The following LBR variants were observed in gnomAD, a reference collection of about 807,000 sequenced individuals.
The protein encoded by LBR is delta(14)-sterol reductase LBR.
In LBR, 28 loss-of-function variants were observed where a neutral mutation model predicts 74.3. The ratio of observed to expected loss-of-function variants is 0.38; its 90% confidence interval spans 0.28 to 0.52. The LOEUF (loss-of-function observed/expected upper bound fraction) is 0.52. Ranked by LOEUF, LBR falls within the 20% of genes least tolerant of loss-of-function variation. LBR has a pLI of 0.89. For missense variants in LBR, 717 were observed against 760.3 expected (o/e 0.94, Z 0.67); for synonymous variants, 228 against 269.3 (o/e 0.85, Z 1.50).
intron 10 of LBR, 48 bp downstream of exon 10, chr1:225,410,243 C>A (rs1464075588): frequency 6.2e-7 from 1 of 1,611,388 alleles, no homozygotes; most frequent in Non-Finnish European, 8.5e-7. Context: ...GTCACTCACC[C>A]ACTCAAAGCC....
chr1:225,403,853 TC>T (rs1397464016), intron 13 of LBR, among the ~76,000 whole-genome samples: 4 of 127,788 alleles, frequency 3.1e-5, no homozygotes, highest in African/African-American at 1.2e-4. Flanking sequence ...CTCCCCTGGA[TC>T]CCCCTGCTCC....
At position 225,419,304 on chromosome 1, in the gene LBR, GT is replaced by G; in HGVS notation, c.598del (p.Thr200ProfsTer32). 6.2e-7 allele frequency: 1 copy of G among 1,614,184 alleles called. No individual in the cohort carries two copies. Among genetic ancestry groups the G allele is most frequent in the Non-Finnish European group, 8.5e-7 (1 of 1,180,026 alleles). Reference sequence around the variant, plus strand: ...CTCCAAGTCCTTTGCCCGGATGGGGGTCACTTCAAAGGTTCTCACTGCCAGT... The same window carrying G: ...CTCCAAGTCCTTTGCCCGGATGGGGGCACTTCAAAGGTTCTCACTGCCAGT... ...KELAVRTFEV[T>X]PIRAKDLEFG... On this transcript the variant is annotated frameshift_variant, in exon 5 of 14. Coordinates refer to ENST00000272163, the MANE Select transcript of LBR (RefSeq NM_002296.4). LOFTEE classifies it high-confidence loss of function.
In LBR at chr1:225,406,701, C is replaced by T. The variant is rs1329885732; in HGVS notation, c.1446G>A (p.Val482=). ...AFYLVSHPNE[V]SWPMASLIIV... is the part of the protein sequence containing the mutation. ...TAATTAGAGAAGCCATTGGCCAAGA[C>T]ACTTCATTTGGATGACTGACTAAAT... Residue 482 remains valine, a synonymous_variant, in exon 11 of 14, where the codon GTG becomes GTA. Coordinates refer to ENST00000272163, the MANE Select transcript of LBR (RefSeq NM_002296.4). 6.2e-7 allele frequency: 1 copy of T among 1,613,724 alleles called. No homozygotes were observed. The highest frequency in any genetic ancestry group is 1.7e-5 in the Admixed American group (1 of 59,920).
At chr1:225,404,199 A>G (rs925752749) in intron 13 of LBR, among the ~76,000 whole-genome samples, 20 of 152,178 alleles carry the variant, frequency 1.3e-4, no homozygotes, top group Non-Finnish European at 4.4e-5. Flanking sequence ...TAGTGCTTTT[A>G]GGCTTAAAGT....
intron 1 of LBR, among the ~76,000 whole-genome samples, chr1:225,424,560 T>C (rs138094782): frequency 2.1e-4 from 32 of 152,222 alleles, no homozygotes; most frequent in South Asian, 8.3e-4. Context: ...AACCCAACAA[T>C]AGGAAGAAAA....
At chr1:225,421,259 C>T (rs1160493988) in intron 3 of LBR, among the ~76,000 whole-genome samples, 1 of 152,156 alleles carries the variant, frequency 6.6e-6, no homozygotes, top group Non-Finnish European at 1.5e-5. Flanking sequence ...TTTGGGAGGC[C>T]GAGGCGGGTG....
chr1:225,415,160 C>A, intron 7 of LBR, 118 bp downstream of exon 7: 1 of 706,774 alleles, frequency 1.4e-6, no homozygotes, highest in East Asian at 2.8e-5. Context: ...GCTCTTCCAA[C>A]TACTAAGAAA....
chr1:225,410,894 T>C (rs1479712253), intron 9 of LBR, among the ~76,000 whole-genome samples: 3 of 152,360 alleles, frequency 2.0e-5, no homozygotes, highest in South Asian at 4.1e-4. Flanking sequence ...ACCAATGCTG[T>C]CACTATGTTA....
At chr1:225,427,776 AAGGCGAGGAGGGGAGGAGACGAGG>A (rs1558660857) in intron 1 of LBR, 154 bp downstream of exon 1, 3 of 152,126 alleles carry the variant, frequency 2.0e-5, no homozygotes, top group Admixed American at 2.0e-4. Flanking sequence ...TGGGCCAGAA[AAGGCGAGGAGGGGAGGAGACGAGG>A]AGGCGAGGAG....
Position 225,412,649 on chromosome 1 carries a change from TAAAAA to T in LBR, c.893-9_893-5del. ...GTCAGGATAAAAGCATAGAATCCTT[TAAAAA>T]AAAAAAAAAAAGGAAGTGGAAAATT... is the stretch of plus-strand genomic sequence containing the variant. On this transcript the variant is annotated splice_region_variant and splice_polypyrimidine_tract_variant and intron_variant, in intron 7 of 13. Transcript: ENST00000272163. 7.1e-7 allele frequency: 1 copy of T among 1,406,550 alleles called. No individual in the cohort carries two copies. Among genetic ancestry groups the T allele is most frequent in the Non-Finnish European group, 9.7e-7 (1 of 1,035,070 alleles). 87.1% of individuals were successfully genotyped at this position (1,406,550 alleles called of 1,614,324 possible). A position where few individuals can be genotyped will look rare whatever the true frequency, so the allele number is the denominator to read the frequency against.
chr1:225,424,347 C>T (rs980207101), intron 1 of LBR, among the ~76,000 whole-genome samples: 2 of 152,170 alleles, frequency 1.3e-5, no homozygotes, highest in Non-Finnish European at 2.9e-5. Flanking sequence ...ATGTTACCCA[C>T]CTACCGTGAT....
chr1:225,426,804 T>C (rs767329138), intron 1 of LBR, among the ~76,000 whole-genome samples: 8 of 152,230 alleles, frequency 5.3e-5, no homozygotes, highest in Non-Finnish European at 1.0e-4. Context: ...GCCACCTTCC[T>C]GGCTGTAAAG....
intron 3 of LBR, among the ~76,000 whole-genome samples, chr1:225,420,703 A>G (rs1657519944): frequency 3.3e-5 from 5 of 152,072 alleles, no homozygotes; most frequent in Admixed American, 3.3e-4. Context: ...AAAGAGAGCC[A>G]CTAATAGTTA....
Position 225,418,163 on chromosome 1 carries a change from A to C in LBR, c.658T>G (p.Phe220Val). 1.2e-6 allele frequency: 2 copies of C among 1,613,872 alleles called. No homozygotes were observed. Among genetic ancestry groups the C allele is most frequent in the Non-Finnish European group, 1.7e-6 (2 of 1,179,794 alleles). ...AGGAAGAGGAACACAGGCAGGCCAAACATGATGAGAAACACACCTGCAAAC... is the reference window on the plus strand; with the variant it reads ...AGGAAGAGGAACACAGGCAGGCCAACCATGATGAGAAACACACCTGCAAAC... ...GGVPGVFLIM[F>V]GLPVFLFLLL... The change falls in exon 6 of 14, where the codon TTT (phenylalanine) becomes GTT (valine). Residue 220 changes from phenylalanine to valine, a missense_variant. By Grantham distance (50) the Phe-to-Val change is conservative (BLOSUM62 -1). Transcript: ENST00000272163.
chr1:225,406,643 G>T (rs1292015401), intron 11 of LBR, 21 bp downstream of exon 11: 1 of 1,597,876 alleles, frequency 6.3e-7, no homozygotes, highest in South Asian at 1.1e-5. Flanking sequence ...AAATTAAACT[G>T]AGACTAAAAT....
chr1:225,426,918 CTGGACTTG>C (rs2096140367), intron 1 of LBR, among the ~76,000 whole-genome samples: 1 of 152,232 alleles, frequency 6.6e-6, no homozygotes, highest in African/African-American at 2.4e-5. Context: ...AAAACTTAAA[CTGGACTTG>C]TTGCCTAATC....
chr1:225,423,355 G>A (rs537845612), intron 2 of LBR, among the ~76,000 whole-genome samples: 3 of 152,218 alleles, frequency 2.0e-5, no homozygotes, highest in South Asian at 2.1e-4. Context: ...TCACTCTCCT[G>A]ATTAAATCCT....
chr1:225,418,495 T>C (rs1359034276), intron 5 of LBR, among the ~76,000 whole-genome samples: 1 of 152,088 alleles, frequency 6.6e-6, no homozygotes, highest in Non-Finnish European at 1.5e-5. Flanking sequence ...AGCGAATGTG[T>C]TGAAACTCCA....
At chr1:225,408,890 A>G (rs2096098321) in intron 10 of LBR, among the ~76,000 whole-genome samples, 2 of 152,252 alleles carry the variant, frequency 1.3e-5, no homozygotes, top group Non-Finnish European at 2.9e-5. Flanking sequence ...CAACCACAAC[A>G]TGGCAGAAAG....
Sources: allele counts gnomAD v4.1 joint callset (sites outside exome capture counted in the v4.1 genomes callset), GRCh38; gene constraint gnomAD v4.1.1; transcripts MANE v1.5; gene names NCBI Gene and HGNC (gene_info 2026-07-23, HGNC 2026-07-21).